PPP2R2B: variants seen among roughly 807,000 people sequenced by gnomAD.
The protein encoded by PPP2R2B is protein phosphatase 2 regulatory subunit Bbeta.
Under a neutral mutation model 46.0 loss-of-function variants are expected in PPP2R2B, and 5 were observed. That is an observed-to-expected ratio of 0.11 (90% CI 0.06 to 0.23). PPP2R2B has a LOEUF of 0.23. Ranked by LOEUF, PPP2R2B falls within the 10% of genes least tolerant of loss-of-function variation. The probability of loss-of-function intolerance (pLI) is 1.00; values close to 1 mark genes in which losing one functional copy is unlikely to be tolerated. For synonymous variants in PPP2R2B, 215 were observed against 206.7 expected (o/e 1.04, Z -0.34); for missense variants, 367 against 575.0 (o/e 0.64, Z 3.70).
chr5:146,818,936 G>A (rs1333400992), intron 2 of PPP2R2B, among the ~76,000 whole-genome samples: 1 of 152,174 alleles, frequency 6.6e-6, no homozygotes, highest in Non-Finnish European at 1.5e-5. Flanking sequence ...CAAGGATAAA[G>A]TACAGCATGC....
intron 5 of PPP2R2B, among the ~76,000 whole-genome samples, chr5:146,657,856 T>C (rs2151103566): frequency 1.3e-5 from 2 of 152,250 alleles, no homozygotes; most frequent in Middle Eastern, 3.4e-3. Context: ...TGCTCCCCAT[T>C]CCCCTCTCCA....
intron 1 of PPP2R2B, among the ~76,000 whole-genome samples, chr5:147,049,571 G>C (rs1414973825): frequency 6.6e-6 from 1 of 152,186 alleles, no homozygotes; most frequent in East Asian, 1.9e-4. Flanking sequence ...TATATGTTAA[G>C]GAGAAGACTG....
chr5:146,866,382 TTGA>T (rs1761310019), intron 2 of PPP2R2B, among the ~76,000 whole-genome samples: 7 of 152,208 alleles, frequency 4.6e-5, no homozygotes, highest in Admixed American at 4.6e-4. Context: ...GGTCTGCTGA[TTGA>T]TACTGGGAAA....
upstream of PPP2R2B, chr5:146,878,972 T>A (rs886559364): frequency 4.6e-6 from 5 of 1,078,996 alleles, no homozygotes; most frequent in South Asian, 8.3e-5. This position sits in a 1 kb window ranked among gnomAD's most constrained non-coding sequence, Gnocchi z 4.5. Context: ...TCTTCCAACC[T>A]CCTCCCCTCT....
At chr5:146,772,328 C>T (rs961219935) in intron 2 of PPP2R2B, among the ~76,000 whole-genome samples, 8 of 144,188 alleles carry the variant, frequency 5.5e-5, no homozygotes, top group Non-Finnish European at 1.2e-4. Context: ...AACTTATGAG[C>T]ACGTAGAATG....
At chr5:146,681,952 C>T (rs1353564469) in intron 5 of PPP2R2B, among the ~76,000 whole-genome samples, 4 of 152,164 alleles carry the variant, frequency 2.6e-5, no homozygotes, top group Non-Finnish European at 5.9e-5. Context: ...CACTAGTGGA[C>T]GTCTCAGCTT....
chr5:146,955,456 G>A (rs1043849182), intron 1 of PPP2R2B, among the ~76,000 whole-genome samples: 1 of 152,122 alleles, frequency 6.6e-6, no homozygotes, highest in African/African-American at 2.4e-5. Context: ...AAATTGTTCT[G>A]TAATGAAAAC....
At chr5:147,027,812 G>A (rs1004739418) in intron 1 of PPP2R2B, among the ~76,000 whole-genome samples, 12 of 152,068 alleles carry the variant, frequency 7.9e-5, no homozygotes, top group Admixed American at 5.9e-4. Context: ...GCATTTTATT[G>A]CATATAAATT....
At chr5:147,014,414 C>G (rs1283175805) in intron 1 of PPP2R2B, among the ~76,000 whole-genome samples, 1 of 150,998 alleles carries the variant, frequency 6.6e-6, no homozygotes, top group Non-Finnish European at 1.5e-5. Flanking sequence ...ATAAATCATG[C>G]TGCTATAAAG....
chr5:146,716,080 G>A (rs759757941), intron 2 of PPP2R2B, among the ~76,000 whole-genome samples: 21 of 152,060 alleles, frequency 1.4e-4, no homozygotes, highest in Non-Finnish European at 2.8e-4. Flanking sequence ...TCCCTTGTGG[G>A]CAGGATCTTC....
At chr5:146,939,146 C>G (rs768810579) in intron 1 of PPP2R2B, among the ~76,000 whole-genome samples, 2 of 152,034 alleles carry the variant, frequency 1.3e-5, no homozygotes, top group Non-Finnish European at 2.9e-5. Flanking sequence ...ATGAGTCTGT[C>G]CAGGCTCCAG....
chr5:146,763,966 A>C (rs1754316581), intron 2 of PPP2R2B, among the ~76,000 whole-genome samples: 1 of 152,110 alleles, frequency 6.6e-6, no homozygotes, highest in South Asian at 2.1e-4. Flanking sequence ...CCCTCAAACT[A>C]TCTTCTTGCC....
intron 2 of PPP2R2B, among the ~76,000 whole-genome samples, chr5:146,855,665 G>A (rs1360315605): frequency 6.6e-6 from 1 of 151,740 alleles, no homozygotes; most frequent in African/African-American, 2.4e-5. Context: ...TCTCTCTCAG[G>A]GTTCATACAA....
intron 2 of PPP2R2B, among the ~76,000 whole-genome samples, chr5:146,870,596 T>G (rs577314111): frequency 6.6e-6 from 1 of 152,170 alleles, no homozygotes; most frequent in Admixed American, 6.5e-5. Flanking sequence ...TTTTTAAAAA[T>G]GCAGTCTGAG....
At chr5:146,776,093 C>A (rs139131555) in intron 2 of PPP2R2B, among the ~76,000 whole-genome samples, 13 of 152,012 alleles carry the variant, frequency 8.6e-5, no homozygotes, top group Admixed American at 2.0e-4. Flanking sequence ...AGATTCAATG[C>A]GATCCCTATC....
chr5:146,984,014 A>G (rs901439507), intron 1 of PPP2R2B, among the ~76,000 whole-genome samples: 9 of 152,158 alleles, frequency 5.9e-5, no homozygotes, highest in African/African-American at 2.2e-4. Flanking sequence ...ATTATGATTT[A>G]TGAACACAAT....
At chr5:146,934,971 C>G (rs139336561) in intron 1 of PPP2R2B, among the ~76,000 whole-genome samples, 1 of 152,238 alleles carries the variant, frequency 6.6e-6, no homozygotes, top group East Asian at 1.9e-4. Context: ...CATTCATACT[C>G]CATCAGTTAC....
intron 8 of PPP2R2B, 48 bp from the exon 9 acceptor site, chr5:146,593,110 A>G (rs763364357): frequency 6.9e-7 from 1 of 1,451,478 alleles, no homozygotes; most frequent in Non-Finnish European, 9.7e-7. Context: ...TTAAACAGTA[A>G]TTATTTCTGC....
chr5:146,622,783 A>C (rs1773794802), intron 7 of PPP2R2B, among the ~76,000 whole-genome samples: 1 of 152,250 alleles, frequency 6.6e-6, no homozygotes, highest in African/African-American at 2.4e-5. Context: ...AAGACACAAA[A>C]GTCATGGGGC....
Sources: allele counts gnomAD v4.1 joint callset (sites outside exome capture counted in the v4.1 genomes callset), GRCh38; gene constraint gnomAD v4.1.1; non-coding constraint Gnocchi (gnomAD v3.1); transcripts MANE v1.5; gene names NCBI Gene and HGNC (gene_info 2026-07-23, HGNC 2026-07-21).